PCBD2: variants seen among roughly 807,000 people sequenced by gnomAD.
PCBD2 encodes pterin-4-alpha-carbinolamine dehydratase 2.
In PCBD2, 12 loss-of-function variants were observed where a neutral mutation model predicts 16.4. The observed-to-expected ratio is 0.73, with a 90% CI of 0.47 to 1.19. The LOEUF is 1.19. PCBD2 is among the 50% of genes most tolerant of loss of function. The probability of loss-of-function intolerance (pLI) is 0.00; values close to 1 mark genes in which losing one functional copy is unlikely to be tolerated. For synonymous variants in PCBD2, 58 were observed against 61.8 expected, an observed-to-expected ratio of 0.94 and a Z score of 0.29; for missense variants, 138 against 156.8, an observed-to-expected ratio of 0.88 and a Z score of 0.64.
intron 3 of PCBD2, 32 bp downstream of exon 3, chr5:134,959,152 T>A: frequency 6.7e-7 from 1 of 1,491,598 alleles, no homozygotes; most frequent in South Asian, 1.2e-5. Flanking sequence ...GGAATCACCT[T>A]AATTATGGAG....
In PCBD2 at chr5:134,962,046, C is replaced by T. The variant is rs1013647207; in HGVS notation, c.*1365C>T. On this transcript the variant is annotated 3_prime_UTR_variant, in exon 4 of 4. Transcript: ENST00000254908. ...AAAGTCCAAGGATTACAGGTGTGAGCCATTGCCCCCAGCCAGTATAACAGT... is the reference window on the plus strand; with the variant it reads ...AAAGTCCAAGGATTACAGGTGTGAGTCATTGCCCCCAGCCAGTATAACAGT... Among the ~76,000 whole-genome samples the T allele has an allele frequency of 4.0e-5, 6 of 150,284 alleles. No individual in the cohort carries two copies. The highest frequency in any genetic ancestry group is 7.4e-5 in the Non-Finnish European group (5 of 67,766).
rs554006981 is a variant in PCBD2, at chr5:134,928,923, G to T, written c.216+18457G>T. Among the ~76,000 whole-genome samples, 6 of 152,318 alleles carry T rather than the reference G, an allele frequency of 3.9e-5. No homozygotes were observed. In the East Asian group the frequency reaches 1.2e-3, roughly 29 times the overall value. On this transcript the variant is annotated intron_variant, in intron 2 of 3. Transcript: ENST00000254908. ...AATGGGTTTGGGATGCAGGGATCAAGATTTCTGGTTTGGACACTGTTTAAG... is the reference window on the plus strand; with the variant it reads ...AATGGGTTTGGGATGCAGGGATCAATATTTCTGGTTTGGACACTGTTTAAG...
chr5:134,909,357 A>G lies in PCBD2; in HGVS notation c.85-978A>G, dbSNP rs148831782. ...GGATCTGTGGACCCCCAGAAGTTAG[A>G]TAAAATCCTATGTAAATGTGCATTT... On this transcript the variant is annotated intron_variant, in intron 1 of 3. Coordinates refer to ENST00000254908, the MANE Select transcript of PCBD2 (RefSeq NM_032151.5). 1.1e-4 allele frequency among the ~76,000 whole-genome samples: 17 copies of G among 152,374 alleles called. No individual in the cohort carries two copies. The East Asian group carries it at 2.9e-3, about 26-fold the overall frequency.
chr5:134,930,487 C>A (rs935485597), intron 2 of PCBD2, among the ~76,000 whole-genome samples: 1 of 152,218 alleles, frequency 6.6e-6, no homozygotes, highest in African/African-American at 2.4e-5. Context: ...GCTTATCTGG[C>A]TGCTAAGTTG....
chr5:134,960,437 C>CATA, intron 3 of PCBD2, 149 bp from the exon 4 acceptor site: 1 of 592,878 alleles, frequency 1.7e-6, no homozygotes, highest in Admixed American at 3.4e-5. Context: ...AAATGTTTTG[C>CATA]TTATTCATAA....
chr5:134,929,683 T>C (rs1241690257), intron 2 of PCBD2, among the ~76,000 whole-genome samples: 1 of 152,202 alleles, frequency 6.6e-6, no homozygotes, highest in East Asian at 1.9e-4. Context: ...TTCAGACTTA[T>C]TTTTTAAATT....
Position 134,959,095 on chromosome 5 carries a change from C to A in PCBD2, c.272C>A (p.Pro91Gln), listed in dbSNP as rs1347701737. ...ALQAEKMNHH[P>Q]EWFNVYNKVQ... Reference sequence around the variant, plus strand: ...CAAGCAGAGAAGATGAATCATCACCCAGAATGGTTCAATGTATACAACAAG... The same window carrying A: ...CAAGCAGAGAAGATGAATCATCACCAAGAATGGTTCAATGTATACAACAAG... The change falls in exon 3 of 4, where the codon CCA becomes CAA. Residue 91 changes from proline to glutamine, a missense_variant. Pro to Gln is a moderately conservative substitution (Grantham distance 76). Coordinates refer to ENST00000254908, the MANE Select transcript of PCBD2 (RefSeq NM_032151.5). 6.2e-7 allele frequency: 1 copy of A among 1,613,676 alleles called. No homozygotes were observed. Among genetic ancestry groups the A allele is most frequent in the East Asian group, 2.2e-5 (1 of 44,890 alleles).
At chr5:134,952,807 T>TAA (rs565332391) in intron 2 of PCBD2, among the ~76,000 whole-genome samples, 1 of 139,566 alleles carries the variant, frequency 7.2e-6, no homozygotes, top group African/African-American at 2.6e-5. Flanking sequence ...CCCTGTCTCT[T>TAA]AAAAAAAAAA....
At chr5:134,929,960 T>C (rs929303241) in intron 2 of PCBD2, among the ~76,000 whole-genome samples, 2 of 152,152 alleles carry the variant, frequency 1.3e-5, no homozygotes, top group African/African-American at 4.8e-5. Context: ...TCTCAAAGTA[T>C]TGGGATTACA....
intron 2 of PCBD2, among the ~76,000 whole-genome samples, chr5:134,958,343 C>G (rs1751437276): frequency 1.3e-5 from 2 of 152,216 alleles, no homozygotes; most frequent in Admixed American, 1.3e-4. Context: ...CCCCGTCAGT[C>G]CACACTTAGT....
At chr5:134,917,316 C>A (rs977465801) in intron 2 of PCBD2, among the ~76,000 whole-genome samples, 3 of 152,258 alleles carry the variant, frequency 2.0e-5, no homozygotes, top group Non-Finnish European at 4.4e-5. Flanking sequence ...TTCTGCCCCC[C>A]AGAAGGCTGT....
chr5:134,940,512 A>G (rs1229361534), intron 2 of PCBD2, among the ~76,000 whole-genome samples: 1 of 152,164 alleles, frequency 6.6e-6, no homozygotes, highest in Non-Finnish European at 1.5e-5. Flanking sequence ...TCAGAACACC[A>G]GGGTAGGAAT....
intron 2 of PCBD2, chr5:134,926,188 G>T: frequency 3.1e-6 from 1 of 318,484 alleles, no homozygotes. Flanking sequence ...CAGTGCTACA[G>T]GGATAAATAT....
At chr5:134,956,297 A>G (rs931349476) in intron 2 of PCBD2, among the ~76,000 whole-genome samples, 1 of 152,224 alleles carries the variant, frequency 6.6e-6, no homozygotes, top group African/African-American at 2.4e-5. Context: ...AAGTTTTTTA[A>G]TTGTATGTAG....
At chr5:134,921,331 A>G (rs1442562833) in intron 2 of PCBD2, among the ~76,000 whole-genome samples, 1 of 152,162 alleles carries the variant, frequency 6.6e-6, no homozygotes, top group African/African-American at 2.4e-5. Flanking sequence ...GTGCTGTGCT[A>G]ATAAGCCACA....
rs1750665647 is a variant in PCBD2, at chr5:134,905,178, CTTG to C, written c.43_45del (p.Leu15del). 8.2e-7 allele frequency: 1 copy of C among 1,223,628 alleles called. No homozygotes were observed. Among genetic ancestry groups the C allele is most frequent in the South Asian group, 4.1e-5 (1 of 24,266 alleles). The allele number at this position is 1,223,628 out of a possible 1,614,324, so 75.8% of individuals were successfully genotyped here. On this transcript the variant is annotated inframe_deletion, in exon 1 of 4. Transcript: ENST00000254908. ...TCGGGGCGCTCGGGGCGACGCGGCG[CTTG>C]TTGGCGGCGCTGCGAGGCCAGAGCC...
chr5:134,905,156 GGGCGCTCGGGGCGACGC>G lies in PCBD2; in HGVS notation c.24_40del (p.Gly9ValfsTer32), dbSNP rs1750665024. 8.2e-7 allele frequency: 1 copy of G among 1,221,846 alleles called. No individual in the cohort carries two copies. The highest frequency in any genetic ancestry group is 1.0e-6 in the Non-Finnish European group (1 of 982,014). The allele number at this position is 1,221,846 out of a possible 1,614,324, so 75.7% of individuals were successfully genotyped here. A position where few individuals can be genotyped will look rare whatever the true frequency, so the allele number is the denominator to read the frequency against. On this transcript the variant is annotated frameshift_variant, in exon 1 of 4. Coordinates refer to ENST00000254908, the MANE Select transcript of PCBD2 (RefSeq NM_032151.5). LOFTEE classifies it high-confidence loss of function. ...AGACGGCCAATGGCGGCGGTGCTCG[GGGCGCTCGGGGCGACGC>G]GGCGCTTGTTGGCGGCGCTGCGAGG... is the stretch of plus-strand genomic sequence containing the variant.
At chr5:134,906,676 C>G (rs1554164600) in intron 1 of PCBD2, among the ~76,000 whole-genome samples, 1 of 152,076 alleles carries the variant, frequency 6.6e-6, no homozygotes, top group South Asian at 2.1e-4. Context: ...TGAGCGCTGC[C>G]CCATGCCAGG....
At position 134,940,270 on chromosome 5, in the gene PCBD2, C is replaced by T. The variant is rs114018763; in HGVS notation, c.217-18770C>T. 4.6e-3 allele frequency among the ~76,000 whole-genome samples: 703 copies of T among 152,262 alleles called. 5 individuals carry two copies. The highest frequency in any genetic ancestry group is 0.016 in the African/African-American group (653 of 41,546). Reference sequence around the variant, plus strand: ...CTAACAATTGTAAGGCATGATTTTCCAAGCCTCCGGGGTTTAGGGCAAGTA... The same window carrying T: ...CTAACAATTGTAAGGCATGATTTTCTAAGCCTCCGGGGTTTAGGGCAAGTA... On this transcript the variant is annotated intron_variant, in intron 2 of 3. Coordinates refer to ENST00000254908, the MANE Select transcript of PCBD2 (RefSeq NM_032151.5).
Sources: allele counts gnomAD v4.1 joint callset (sites outside exome capture counted in the v4.1 genomes callset), GRCh38; gene constraint gnomAD v4.1.1; transcripts MANE v1.5; gene names NCBI Gene and HGNC (gene_info 2026-07-23, HGNC 2026-07-21).